Variants in GRM8 observed in about 807,000 individuals in gnomAD.
GRM8 encodes metabotropic glutamate receptor 8.
GRM8 carries 47 observed loss-of-function variants against 87.2 expected under a neutral mutation model. That is an observed-to-expected ratio of 0.54 (90% CI 0.43 to 0.69). The LOEUF is 0.69. Among genes scored for constraint, GRM8 ranks in the 30% least tolerant of loss-of-function variants. The pLI, the probability that GRM8 is intolerant of heterozygous loss-of-function variation, is 0.00. For missense variants in GRM8, 1,019 were observed against 1,139.2 expected, an observed-to-expected ratio of 0.89 and a Z score of 1.52; for synonymous variants, 396 against 404.5, an observed-to-expected ratio of 0.98 and a Z score of 0.25.
chr7:126,482,615 G>A (rs1806825302), intron 9 of GRM8, among the ~76,000 whole-genome samples: 1 of 151,956 alleles, frequency 6.6e-6, no homozygotes, highest in Non-Finnish European at 1.5e-5. Flanking sequence ...ACACAAAGCA[G>A]AATGGTAGAT....
chr7:127,148,182 G>T (rs894220903), intron 2 of GRM8, among the ~76,000 whole-genome samples: 2 of 151,940 alleles, frequency 1.3e-5, no homozygotes, highest in African/African-American at 2.4e-5. Context: ...CAACAGAGTC[G>T]ATTCAGGTAT....
chr7:126,467,743 T>G (rs1165052558), intron 9 of GRM8, among the ~76,000 whole-genome samples: 1 of 152,046 alleles, frequency 6.6e-6, no homozygotes, highest in African/African-American at 2.4e-5. Flanking sequence ...AAAATTAAAA[T>G]GTATTCTGAA....
chr7:127,163,601 T>C (rs1294451677), intron 2 of GRM8, among the ~76,000 whole-genome samples: 2 of 152,194 alleles, frequency 1.3e-5, no homozygotes, highest in African/African-American at 4.8e-5. Flanking sequence ...TGTATAAGAA[T>C]GATACTGTGA....
chr7:127,148,800 A>G (rs947026989), intron 2 of GRM8, among the ~76,000 whole-genome samples: 2 of 152,256 alleles, frequency 1.3e-5, no homozygotes, highest in Middle Eastern at 3.4e-3. Context: ...AACACAGCAT[A>G]GTAATTTTTG....
intron 8 of GRM8, among the ~76,000 whole-genome samples, chr7:126,603,027 C>T (rs1203856568): frequency 6.8e-6 from 1 of 147,814 alleles, no homozygotes; most frequent in Non-Finnish European, 1.5e-5. Context: ...CATCAAAAAG[C>T]TTATCCACCA....
intron 2 of GRM8, among the ~76,000 whole-genome samples, chr7:127,214,582 A>T (rs551543528): frequency 7.9e-5 from 12 of 152,234 alleles, no homozygotes; most frequent in Admixed American, 7.9e-4. Flanking sequence ...GCGAAAGAGA[A>T]GCAAGTCACG....
At chr7:126,848,596 A>G (rs1563246262) in intron 6 of GRM8, among the ~76,000 whole-genome samples, 1 of 152,080 alleles carries the variant, frequency 6.6e-6, no homozygotes, top group Non-Finnish European at 1.5e-5. Context: ...CCAAGGGGGC[A>G]GATCACTTGT....
chr7:126,523,582 C>G (rs1232990612), intron 9 of GRM8, among the ~76,000 whole-genome samples: 10 of 151,716 alleles, frequency 6.6e-5, no homozygotes, highest in African/African-American at 2.4e-4. Flanking sequence ...GCTGCAGCCT[C>G]CATCTCCCAG....
At chr7:126,509,925 C>T (rs1811079499) in intron 9 of GRM8, among the ~76,000 whole-genome samples, 1 of 151,944 alleles carries the variant, frequency 6.6e-6, no homozygotes. Flanking sequence ...AAAAATAGGA[C>T]AATTATTCCC....
chr7:127,184,779 T>C (rs1282945367), intron 2 of GRM8, among the ~76,000 whole-genome samples: 1 of 151,904 alleles, frequency 6.6e-6, no homozygotes, highest in Non-Finnish European at 1.5e-5. Context: ...TATAGCAAGG[T>C]CACTATAGAA....
At chr7:126,942,496 T>G (rs1217871036) in intron 3 of GRM8, among the ~76,000 whole-genome samples, 2 of 152,180 alleles carry the variant, frequency 1.3e-5, no homozygotes, top group African/African-American at 2.4e-5. Flanking sequence ...GAGGTCAGTG[T>G]TAACAAGGCC....
At chr7:126,480,346 T>C (rs1806521474) in intron 9 of GRM8, among the ~76,000 whole-genome samples, 1 of 152,082 alleles carries the variant, frequency 6.6e-6, no homozygotes, top group African/African-American at 2.4e-5. Flanking sequence ...ATTGTGCCAC[T>C]GCACTCCAGT....
chr7:126,674,519 C>T lies in GRM8; in HGVS notation c.1358-65021G>A, dbSNP rs150371109. ...GGTCAAACTTAGGTTTCTAAGAAAT[C>T]TATTATACTATAAGAAATATACTGG... On this transcript the variant is annotated intron_variant, in intron 7 of 10. Transcript: ENST00000339582. Among the ~76,000 whole-genome samples the T allele has an allele frequency of 7.2e-5, 11 of 152,206 alleles. No homozygotes were observed. The East Asian group carries it at 1.9e-3, about 27-fold the overall frequency.
Position 127,174,511 on chromosome 7 carries a change from T to G in GRM8, c.511-67799A>C, listed in dbSNP as rs552825637. Among the ~76,000 whole-genome samples the G allele has an allele frequency of 5.4e-4, 82 of 152,338 alleles. 3 individuals carry two copies. The South Asian group carries it at 0.017, about 32-fold the overall frequency. On this transcript the variant is annotated intron_variant, in intron 2 of 10. Coordinates refer to ENST00000339582, the MANE Select transcript of GRM8 (RefSeq NM_000845.3). The stretch of plus-strand genomic sequence containing the variant: ...CCTCTTGGTCCTCAAATTCTCTTTT[T>G]TAAAAACTATTACATTCATTCTACC...
chr7:127,225,564 C>T (rs1439635143), intron 2 of GRM8, among the ~76,000 whole-genome samples: 1 of 151,420 alleles, frequency 6.6e-6, no homozygotes, highest in African/African-American at 2.4e-5. Context: ...AGAAACGCAA[C>T]AATTTGGAGC....
intron 9 of GRM8, among the ~76,000 whole-genome samples, chr7:126,524,375 G>A (rs1286302266): frequency 6.6e-6 from 1 of 152,168 alleles, no homozygotes; most frequent in African/African-American, 2.4e-5. Flanking sequence ...CTTCAAGAAA[G>A]ACTTTGCTCA....
chr7:126,882,284 A>T (rs956237236), intron 6 of GRM8, among the ~76,000 whole-genome samples: 3 of 152,112 alleles, frequency 2.0e-5, no homozygotes, highest in African/African-American at 4.8e-5. Flanking sequence ...GGATTGACCT[A>T]GAAATTTATA....
At chr7:126,525,840 G>A (rs1813735903) in intron 9 of GRM8, among the ~76,000 whole-genome samples, 1 of 151,998 alleles carries the variant, frequency 6.6e-6, no homozygotes, top group Admixed American at 6.6e-5. Context: ...GGACATACAT[G>A]TGTCTTTGTG....
chr7:126,628,506 T>A (rs561306127), intron 7 of GRM8, among the ~76,000 whole-genome samples: 79 of 152,338 alleles, frequency 5.2e-4, no homozygotes, highest in African/African-American at 1.8e-3. Context: ...AATATTATAC[T>A]GCAGTCAAAA....
Sources: gnomAD v4.1 joint callset for allele counts (sites outside exome capture counted in the v4.1 genomes callset) on GRCh38, gnomAD v4.1.1 for gene constraint, MANE v1.5 for transcripts, NCBI Gene and HGNC (gene_info 2026-07-23, HGNC 2026-07-21) for gene names.